The following DPM1 variants were observed in gnomAD, a reference collection of about 807,000 sequenced individuals.
The protein encoded by DPM1 is dolichol-phosphate mannosyltransferase subunit 1.
DPM1 carries 27 observed loss-of-function variants against 39.0 expected under a neutral mutation model. That is an observed-to-expected ratio of 0.69 (90% CI 0.51 to 0.95). The LOEUF (loss-of-function observed/expected upper bound fraction) is 0.95. DPM1 is among the 40% of genes least tolerant of loss of function. The probability of loss-of-function intolerance (pLI) is 0.00; values close to 1 mark genes in which losing one functional copy is unlikely to be tolerated. For missense variants in DPM1, 307 were observed against 315.6 expected (o/e 0.97, Z 0.21); for synonymous variants, 124 against 109.0 (o/e 1.14, Z -0.86).
At chr20:50,936,092 A>T in intron 8 of DPM1, 56 bp downstream of exon 8, 1 of 1,295,576 alleles carries the variant, frequency 7.7e-7, no homozygotes, top group Non-Finnish European at 1.1e-6. Flanking sequence ...AAAAATTCTA[A>T]ACCTTACTGC....
At chr20:50,947,819 GGGTTTTACCATGTTGGCCAGGAT>G (rs1466996049) in intron 3 of DPM1, among the ~76,000 whole-genome samples, 81 of 152,102 alleles carry the variant, frequency 5.3e-4, no homozygotes, top group Non-Finnish European at 1.5e-4. Context: ...AGTAGGGATG[GGGTTTTACCATGTTGGCCAGGAT>G]GGTCTCGATC....
At chr20:50,945,688 A>T in intron 5 of DPM1, 49 bp downstream of exon 5, 1 of 1,454,034 alleles carries the variant, frequency 6.9e-7, no homozygotes, top group Non-Finnish European at 9.6e-7. Context: ...AACCAGTAAG[A>T]TAAATGTTTC....
chr20:50,956,832 C>T (rs1470372704), intron 1 of DPM1, among the ~76,000 whole-genome samples: 1 of 152,192 alleles, frequency 6.6e-6, no homozygotes, highest in Non-Finnish European at 1.5e-5. Flanking sequence ...TCCCCTACCA[C>T]TTCAAAGCAG....
Position 50,936,276 on chromosome 20 carries a change from A to G in DPM1, c.564-14T>C, listed in dbSNP as rs779114067. The G allele has an allele frequency of 6.6e-7, 1 of 1,504,946 alleles. No homozygotes were observed. Among genetic ancestry groups the G allele is most frequent in the Non-Finnish European group, 9.2e-7 (1 of 1,084,174 alleles). 93.2% of individuals were successfully genotyped at this position (1,504,946 alleles called of 1,614,324 possible). A position where few individuals can be genotyped will look rare whatever the true frequency, so the allele number is the denominator to read the frequency against. On this transcript the variant is annotated splice_polypyrimidine_tract_variant and intron_variant, in intron 7 of 8. Transcript: ENST00000371588. The stretch of plus-strand genomic sequence containing the variant: ...TTTCGGTATAATCTGTAAGAAATTA[A>G]AAATATATATCAACTTCTGGATAAA...
intron 3 of DPM1, 95 bp from the exon 4 acceptor site, chr20:50,946,018 A>C: frequency 9.7e-7 from 1 of 1,031,356 alleles, no homozygotes; most frequent in Non-Finnish European, 1.5e-6. Context: ...TGAAGAGCAC[A>C]CATTAGTTCT....
At chr20:50,948,812 CA>C in intron 2 of DPM1, 150 bp from the exon 3 acceptor site, 1 of 698,962 alleles carries the variant, frequency 1.4e-6, no homozygotes, top group Non-Finnish European at 2.3e-6. Context: ...ATTTTTTTGC[CA>C]AAAGAAAAAA....
In DPM1 at chr20:50,945,912, T is replaced by C. The variant is rs1386530462; in HGVS notation, c.307A>G (p.Ile103Val). The change falls in exon 4 of 9, where the codon ATT becomes GTT. Residue 103 changes from isoleucine (I) to valine (V), a missense_variant. By Grantham distance (29) the Ile-to-Val change is conservative (BLOSUM62 3). This residue lies in a region of DPM1 where 206 missense variants were observed against 188.2 expected (regional missense o/e 1.09). Transcript: ENST00000371588. ...EKKLGLGTAY[I>V]HGMKHATGNY... Reference sequence around the variant, plus strand: ...CCTGTGGCATGTTTCATTCCATGAATATATGCAGTTCCTAAAAATGAAAGT... The same window carrying C: ...CCTGTGGCATGTTTCATTCCATGAACATATGCAGTTCCTAAAAATGAAAGT... The C allele has an allele frequency of 1.2e-6, 2 of 1,613,136 alleles. No individual in the cohort carries two copies. The highest frequency in any genetic ancestry group is 3.3e-5 in the Admixed American group (2 of 60,022).
intron 2 of DPM1, among the ~76,000 whole-genome samples, chr20:50,951,155 T>C (rs1420437881): frequency 3.3e-5 from 5 of 152,350 alleles, no homozygotes; most frequent in African/African-American, 1.2e-4. Flanking sequence ...CTTCTTGTAC[T>C]GTACTTACCT....
At chr20:50,940,782 A>G in intron 7 of DPM1, 83 bp downstream of exon 7, 2 of 1,154,364 alleles carry the variant, frequency 1.7e-6, no homozygotes, top group Non-Finnish European at 2.6e-6. Context: ...CAAGGTAGAA[A>G]TGTAAAGTGT....
At chr20:50,941,254 AT>A (rs1568762522) in intron 6 of DPM1, 4 of 172,104 alleles carry the variant, frequency 2.3e-5, no homozygotes, top group African/African-American at 8.4e-5. Context: ...ATATATATAT[AT>A]ATATATATAA....
chr20:50,945,877 G>A lies in DPM1; in HGVS notation c.342C>T (p.Ile114=). ...HGMKHATGNY[I]IIMDADLSHH... ...GTGAGAGATCAGCATCCATAATAAT[G>A]ATGTAGTTTCCTGTGGCATGTTTCA... The change falls in exon 4 of 9, where the codon ATC becomes ATT. Residue 114 remains isoleucine (I), a synonymous_variant. Transcript: ENST00000371588. 2 of 1,613,542 alleles carry A rather than the reference G, an allele frequency of 1.2e-6. No individual in the cohort carries two copies. The highest frequency in any genetic ancestry group is 1.7e-6 in the Non-Finnish European group (2 of 1,179,684).
In DPM1 at chr20:50,949,357, G is replaced by A. The variant is rs553024970; in HGVS notation, c.262-695C>T. 1.8e-4 allele frequency among the ~76,000 whole-genome samples: 28 copies of A among 151,974 alleles called. 1 individual carries two copies. Among genetic ancestry groups the A allele is most frequent in the Admixed American group, 3.9e-4 (6 of 15,236 alleles). On this transcript the variant is annotated intron_variant, in intron 2 of 8. Coordinates refer to ENST00000371588, the MANE Select transcript of DPM1 (RefSeq NM_003859.3). ...TGGGAAATCTGATGTTTGTTCTCTC[G>A]ATTCCCTTTGGGTTTTGAATACTAA...
chr20:50,947,442 A>G lies in DPM1; in HGVS notation c.295+1187T>C, dbSNP rs528917763. Among the ~76,000 whole-genome samples the G allele has an allele frequency of 5.8e-4, 88 of 152,328 alleles. 1 individual carries two copies. Among genetic ancestry groups the G allele is most frequent in the Middle Eastern group, 6.8e-3 (2 of 294 alleles). ...TCCAGATTTTTTTGAATCCCAAAGA[A>G]TCTTCTGGGTTCAGATACTGAGAAC... On this transcript the variant is annotated intron_variant, in intron 3 of 8. Coordinates refer to ENST00000371588, the MANE Select transcript of DPM1 (RefSeq NM_003859.3).
At position 50,957,922 on chromosome 20, in the gene DPM1, G is replaced by A. The variant is rs7271975; in HGVS notation, c.161+441C>T. On this transcript the variant is annotated intron_variant, in intron 1 of 8. Coordinates refer to ENST00000371588, the MANE Select transcript of DPM1 (RefSeq NM_003859.3). Reference sequence around the variant, plus strand: ...AGAAAGGTTATCGTGCCCAGCAATAGCTCCCTAACCCACACACACCAAACC... The same window carrying A: ...AGAAAGGTTATCGTGCCCAGCAATAACTCCCTAACCCACACACACCAAACC... 2.2e-4 allele frequency among the ~76,000 whole-genome samples: 33 copies of A among 152,272 alleles called. No individual in the cohort carries two copies. The East Asian group carries it at 6.0e-3, about 28-fold the overall frequency.
intron 3 of DPM1, among the ~76,000 whole-genome samples, chr20:50,948,000 A>T (rs762510089): frequency 1.3e-5 from 2 of 152,132 alleles, no homozygotes; most frequent in Non-Finnish European, 2.9e-5. Context: ...GGTCCAAGAT[A>T]TTTGCCCTCA....
intron 1 of DPM1, among the ~76,000 whole-genome samples, chr20:50,957,373 G>C (rs1986882299): frequency 6.6e-6 from 1 of 152,074 alleles, no homozygotes; most frequent in South Asian, 2.1e-4. Flanking sequence ...CATTTCTGTC[G>C]ACCCAGCAAT....
At chr20:50,939,221 A>G (rs926652192) in intron 7 of DPM1, among the ~76,000 whole-genome samples, 14 of 152,002 alleles carry the variant, frequency 9.2e-5, no homozygotes, top group African/African-American at 3.4e-4. Context: ...CTTCACAACT[A>G]GTTACCAGTT....
At chr20:50,957,868 C>CA (rs1462673703) in intron 1 of DPM1, among the ~76,000 whole-genome samples, 1 of 152,174 alleles carries the variant, frequency 6.6e-6, no homozygotes, top group Non-Finnish European at 1.5e-5. Context: ...CAGTGATCAG[C>CA]GAAGATGCTC....
At chr20:50,957,973 C>T (rs1457115916) in intron 1 of DPM1, among the ~76,000 whole-genome samples, 1 of 152,216 alleles carries the variant, frequency 6.6e-6, no homozygotes, top group East Asian at 1.9e-4. Flanking sequence ...CACTCGGCAC[C>T]GGAGCGGAGA....
Sources: allele counts gnomAD v4.1 joint callset (sites outside exome capture counted in the v4.1 genomes callset), GRCh38; gene constraint gnomAD v4.1.1; regional missense constraint gnomAD v4.1.1; transcripts MANE v1.5; gene names NCBI Gene and HGNC (gene_info 2026-07-23, HGNC 2026-07-21).